The following DNAJB12 variants were observed in gnomAD, a reference collection of about 807,000 sequenced individuals.
DNAJB12 encodes the protein dnaJ homolog subfamily B member 12.
A neutral mutation model predicts 40.6 loss-of-function variants in DNAJB12; 14 were observed. The observed-to-expected ratio is 0.34, with a 90% CI of 0.23 to 0.54. DNAJB12 has a LOEUF of 0.54. DNAJB12 is among the 20% of genes least tolerant of loss of function. DNAJB12 has a pLI of 0.92. For missense variants in DNAJB12, 444 were observed against 501.7 expected (o/e 0.89, Z 1.10); for synonymous variants, 181 against 199.5 (o/e 0.91, Z 0.78).
chr10:72,341,116 T>A lies in DNAJB12; in HGVS notation c.512A>T (p.Asp171Val). 6.2e-7 allele frequency: 1 copy of A among 1,614,060 alleles called. No homozygotes were observed. The highest frequency in any genetic ancestry group is 8.5e-7 in the Non-Finnish European group (1 of 1,179,958). Residue 171 changes from aspartate to valine, a missense_variant, in exon 4 of 9, where the codon GAC becomes GTC. Transcript: ENST00000444643. ...LSNPEKRKQY[D>V]QFGDDKSQAA... ...CTGGCTCTTGTCATCGCCGAACTGG[T>A]CATACTGCTTCCTCTTCTCCGGGTT...
chr10:72,349,016 C>T (rs1441098361), intron 1 of DNAJB12, among the ~76,000 whole-genome samples: 2 of 152,138 alleles, frequency 1.3e-5, no homozygotes, highest in African/African-American at 2.4e-5. Flanking sequence ...CTCTTAACTA[C>T]GCTGCTATCC....
intron 1 of DNAJB12, among the ~76,000 whole-genome samples, chr10:72,347,700 G>T (rs1033920335): frequency 6.6e-5 from 10 of 152,238 alleles, no homozygotes; most frequent in African/African-American, 2.2e-4. Flanking sequence ...CGAATCACAA[G>T]GTCAGGAGTT....
chr10:72,336,791 C>T, intron 6 of DNAJB12, 95 bp from the exon 7 acceptor site: 1 of 1,056,036 alleles, frequency 9.5e-7, no homozygotes, highest in Non-Finnish European at 1.4e-6. Flanking sequence ...CCGCACAGAC[C>T]AGAGGAGTAG....
Position 72,340,897 on chromosome 10 carries a change from C to T in DNAJB12, c.644-29G>A, listed in dbSNP as rs369170380. On this transcript the variant is annotated intron_variant, in intron 4 of 8. Coordinates refer to ENST00000444643, the MANE Select transcript of DNAJB12 (RefSeq NM_017626.7). ...GGGGTCAGAGGGGCTGAGTCAGGAG[C>T]CAGGTCTGTTGGGAAAGGGAGAGGC... is the stretch of plus-strand genomic sequence containing the variant. The T allele has an allele frequency of 5.6e-6, 9 of 1,612,066 alleles. No homozygotes were observed. The Admixed American group carries it at 1.5e-4, about 27-fold the overall frequency.
chr10:72,354,686 C>T (rs1862020406), intron 1 of DNAJB12, 79 bp downstream of exon 1: 11 of 1,361,108 alleles, frequency 8.1e-6, no homozygotes, highest in Non-Finnish European at 1.1e-5. Context: ...CCCCCTCCCC[C>T]AACTGCTCCC....
At chr10:72,338,142 T>C (rs2131981816) in intron 6 of DNAJB12, 60 bp downstream of exon 6, 1 of 1,435,194 alleles carries the variant, frequency 7.0e-7, no homozygotes, top group Non-Finnish European at 9.8e-7. Flanking sequence ...AGGCCCCTGA[T>C]GGGGCTGAGA....
rs1343384592 is a variant in DNAJB12 at position 72,334,958 on chromosome 10, C to T, written c.*31-341G>A. 13 of 1,147,968 alleles carry T rather than the reference C, an allele frequency of 1.1e-5. No individual in the cohort carries two copies. In the South Asian group the frequency reaches 2.3e-4, roughly 20 times the overall value. 71.1% of individuals were successfully genotyped at this position (1,147,968 alleles called of 1,614,324 possible). On this transcript the variant is annotated intron_variant, in intron 8 of 8. Transcript: ENST00000444643. ...GGCAAACGCTGGGAACAGAGCCCAG[C>T]GCCCCCATTCGCCGGGCTGCAGAAG...
chr10:72,342,381 C>T lies in DNAJB12; in HGVS notation c.457+985G>A, dbSNP rs544342336. Among the ~76,000 whole-genome samples the T allele has an allele frequency of 1.8e-4, 28 of 152,368 alleles. No individual in the cohort carries two copies. In the South Asian group the frequency reaches 2.3e-3, roughly 12 times the overall value. On this transcript the variant is annotated intron_variant, in intron 3 of 8. Transcript: ENST00000444643. ...CCCCCGGGAATAAGGAGCGCGGAAT[C>T]GTCTCCTCCGCCAATTCTGAATAGG...
At chr10:72,340,639 G>C in intron 5 of DNAJB12, 150 bp downstream of exon 5, 2 of 739,622 alleles carry the variant, frequency 2.7e-6, no homozygotes, top group East Asian at 5.4e-5. Flanking sequence ...GAATGGCAAG[G>C]GAGGCCCAGA....
chr10:72,342,318 G>A (rs1861660738), intron 3 of DNAJB12, among the ~76,000 whole-genome samples: 1 of 152,250 alleles, frequency 6.6e-6, no homozygotes, highest in Non-Finnish European at 1.5e-5. Context: ...CTGACTCCGA[G>A]GAGTGGGTCC....
intron 2 of DNAJB12, among the ~76,000 whole-genome samples, chr10:72,344,365 C>T (rs556428877): frequency 4.9e-4 from 75 of 152,294 alleles, no homozygotes; most frequent in Middle Eastern, 3.4e-3. Flanking sequence ...GTGGCATGAC[C>T]CTGGGGGATT....
At chr10:72,347,151 A>C (rs955544438) in intron 1 of DNAJB12, among the ~76,000 whole-genome samples, 1 of 150,226 alleles carries the variant, frequency 6.7e-6, no homozygotes, top group African/African-American at 2.4e-5. Context: ...AATAGAGATG[A>C]GGTTTCACCA....
chr10:72,339,238 CAAAAAAA>C lies in DNAJB12; in HGVS notation c.724-934_724-928del, dbSNP rs10695425. 7.9e-3 allele frequency among the ~76,000 whole-genome samples: 879 copies of C among 111,342 alleles called. 10 individuals carry two copies. Among genetic ancestry groups the C allele is most frequent in the African/African-American group, 0.03 (827 of 27,920 alleles). 73.0% of individuals were successfully genotyped at this position (111,342 alleles called of 152,430 possible). ...AGGGTGACAGAACGAGACCCTGTCT[CAAAAAAA>C]AAAAAAAAAGGCCGGCATGGTGGCT... is the stretch of plus-strand genomic sequence containing the variant. On this transcript the variant is annotated intron_variant, in intron 5 of 8. Coordinates refer to ENST00000444643, the MANE Select transcript of DNAJB12 (RefSeq NM_017626.7).
At chr10:72,350,752 G>A (rs1022638732) in intron 1 of DNAJB12, among the ~76,000 whole-genome samples, 1 of 152,190 alleles carries the variant, frequency 6.6e-6, no homozygotes, top group Non-Finnish European at 1.5e-5. Context: ...AGGTTAGCTG[G>A]TTCCTGAGTG....
chr10:72,337,228 C>A (rs574699306), intron 6 of DNAJB12, among the ~76,000 whole-genome samples: 2 of 152,240 alleles, frequency 1.3e-5, no homozygotes, highest in African/African-American at 4.8e-5. Flanking sequence ...ACAGTCCCTG[C>A]CCTAGTCCTC....
chr10:72,341,615 C>T (rs1021031208), intron 3 of DNAJB12, among the ~76,000 whole-genome samples: 3 of 152,238 alleles, frequency 2.0e-5, no homozygotes, highest in East Asian at 1.9e-4. Flanking sequence ...GGACTACAGG[C>T]GTGAACCACC....
At chr10:72,336,265 A>T (rs1156471115) in intron 7 of DNAJB12, among the ~76,000 whole-genome samples, 3 of 151,968 alleles carry the variant, frequency 2.0e-5, no homozygotes, top group Non-Finnish European at 4.4e-5. Context: ...CTACACACTC[A>T]CCTCTGGCAG....
Position 72,338,238 on chromosome 10 carries a change from A to G in DNAJB12, c.797T>C (p.Met266Thr). ...LILVSALSQLMVSSPPYSLSP... is the reference protein window; with the variant it reads ...LILVSALSQLTVSSPPYSLSP... ...CAGACTGTAGGGTGGACTGGAGACC[A>G]TGAGCTGGCTGAGAGCTGACACGAG... Residue 266 changes from methionine to threonine, a missense_variant, in exon 6 of 9, where the codon ATG becomes ACG. Met to Thr is a moderately conservative substitution (Grantham distance 81). Coordinates refer to ENST00000444643, the MANE Select transcript of DNAJB12 (RefSeq NM_017626.7). 1 of 1,614,104 alleles carries G rather than the reference A, an allele frequency of 6.2e-7. No individual in the cohort carries two copies. The highest frequency in any genetic ancestry group is 8.5e-7 in the Non-Finnish European group (1 of 1,180,000).
Position 72,354,716 on chromosome 10 carries a change from C to T in DNAJB12, c.133+49G>A, listed in dbSNP as rs370839727. 6 of 1,436,088 alleles carry T rather than the reference C, an allele frequency of 4.2e-6. No individual in the cohort carries two copies. In the African/African-American group the frequency reaches 4.2e-5, roughly 10 times the overall value. The allele number at this position is 1,436,088 out of a possible 1,614,324, so 89.0% of individuals were successfully genotyped here. On this transcript the variant is annotated intron_variant, in intron 1 of 8. Coordinates refer to ENST00000444643, the MANE Select transcript of DNAJB12 (RefSeq NM_017626.7). Reference sequence around the variant, plus strand: ...GCTCCCGTCGGTCCGTTCCCGTGTTCCCCCCATCAGTTCTAATGTCCCCAG... The same window carrying T: ...GCTCCCGTCGGTCCGTTCCCGTGTTTCCCCCATCAGTTCTAATGTCCCCAG...
Sources: allele counts gnomAD v4.1 joint callset (sites outside exome capture counted in the v4.1 genomes callset), GRCh38; gene constraint gnomAD v4.1.1; transcripts MANE v1.5; gene names NCBI Gene and HGNC (gene_info 2026-07-23, HGNC 2026-07-21).